Variants in MMD2 observed in about 807,000 individuals in gnomAD.
The protein encoded by MMD2 is monocyte to macrophage differentiation associated 2, also known as monocyte to macrophage differentiation factor 2.
In MMD2, 30 loss-of-function variants were observed where a neutral mutation model predicts 33.5. That is an observed-to-expected ratio of 0.90 (90% CI 0.67 to 1.22). MMD2 has a LOEUF of 1.22. MMD2 is among the 50% of genes most tolerant of loss of function. The probability of loss-of-function intolerance (pLI) is 0.00; values close to 1 mark genes in which losing one functional copy is unlikely to be tolerated. For missense variants in MMD2, 364 were observed against 325.4 expected (o/e 1.12, Z -0.91); for synonymous variants, 129 against 123.0 (o/e 1.05, Z -0.32).
chr7:4,930,477 T>TAA (rs1285184909), intron 1 of MMD2, among the ~76,000 whole-genome samples: 1 of 149,178 alleles, frequency 6.7e-6, no homozygotes, highest in East Asian at 2.0e-4. Context: ...CCATCTCTAC[T>TAA]AAAAAAAAAT....
intron 3 of MMD2, among the ~76,000 whole-genome samples, chr7:4,917,614 C>A (rs938776204): frequency 1.3e-5 from 2 of 152,076 alleles, no homozygotes; most frequent in Middle Eastern, 3.4e-3. Context: ...ATGGCATGAA[C>A]CTGGGAGGCG....
the MMD2 span, among the ~76,000 whole-genome samples, chr7:4,895,577 C>A: frequency 6.6e-6 from 1 of 150,892 alleles, no homozygotes; most frequent in African/African-American, 2.4e-5. Context: ...CGCTCTGTCA[C>A]CCCAGCTGGA....
chr7:4,949,493 G>A (rs889780095), intron 1 of MMD2, among the ~76,000 whole-genome samples: 1 of 151,560 alleles, frequency 6.6e-6, no homozygotes, highest in Non-Finnish European at 1.5e-5. Flanking sequence ...TTCCATCCAT[G>A]TTGCTGCAAA....
intron 1 of MMD2, among the ~76,000 whole-genome samples, chr7:4,927,403 G>A (rs965742873): frequency 1.3e-5 from 2 of 152,084 alleles, no homozygotes; most frequent in Non-Finnish European, 2.9e-5. Flanking sequence ...AAATTAGCTG[G>A]GAGTGGTGGC....
chr7:4,900,243 C>G, the MMD2 span, among the ~76,000 whole-genome samples: 1 of 151,842 alleles, frequency 6.6e-6, no homozygotes, highest in Non-Finnish European at 1.5e-5. Flanking sequence ...GCCTGGGAGA[C>G]AGAGCGAGAC....
rs558620935 is a variant in MMD2 at position 4,907,083 on chromosome 7, C to T, written c.*313G>A. The T allele has an allele frequency of 7.1e-5, 25 of 351,962 alleles. No homozygotes were observed. The highest frequency in any genetic ancestry group is 9.5e-5 in the Non-Finnish European group (18 of 189,286). The allele number at this position is 351,962 out of a possible 1,614,324, so 21.8% of individuals were successfully genotyped here. ...GGACCTTAGGAAACACAGATTGGCCCGTCATTCCCCAATTTTCCAGGACCA... is the reference window on the plus strand; with the variant it reads ...GGACCTTAGGAAACACAGATTGGCCTGTCATTCCCCAATTTTCCAGGACCA... On this transcript the variant is annotated 3_prime_UTR_variant, in exon 7 of 7. Transcript: ENST00000401401.
rs768200927 is a variant in MMD2 at position 4,910,012 on chromosome 7, A to C, written c.468-62T>G. The C allele has an allele frequency of 1.9e-6, 3 of 1,613,824 alleles. No individual in the cohort carries two copies. In the African/African-American group the frequency reaches 4.0e-5, roughly 22 times the overall value. On this transcript the variant is annotated intron_variant, in intron 5 of 6. Transcript: ENST00000401401. ...GCCTCCCCACGAAGAAACTGCACAC[A>C]GCTCCCTGTTCTTGGGGAAGAGGGA...
intron 1 of MMD2, among the ~76,000 whole-genome samples, chr7:4,943,586 C>T (rs1785972138): frequency 6.6e-6 from 1 of 152,082 alleles, no homozygotes. Context: ...TGAGCACTCA[C>T]ACTGTGGCCA....
rs540629144 is a variant in MMD2 at position 4,945,163 on chromosome 7, T to G, written c.47+13808A>C. Among the ~76,000 whole-genome samples the G allele has an allele frequency of 3.8e-5, 5 of 131,586 alleles. No individual in the cohort carries two copies. In the East Asian group the frequency reaches 9.3e-4, roughly 24 times the overall value. 86.3% of individuals were successfully genotyped at this position (131,586 alleles called of 152,430 possible). On this transcript the variant is annotated intron_variant, in intron 1 of 6. Coordinates refer to ENST00000401401, the MANE Select transcript of MMD2 (RefSeq NM_198403.4). Reference sequence around the variant, plus strand: ...TCTTCTTCTTTCCCTCTTCTTTTTCTTCCTTCTTCCTCCTCTTCCTCTTTC... The same window carrying G: ...TCTTCTTCTTTCCCTCTTCTTTTTCGTCCTTCTTCCTCCTCTTCCTCTTTC...
intron 1 of MMD2, among the ~76,000 whole-genome samples, chr7:4,950,823 C>T (rs769915760): frequency 1.3e-5 from 2 of 151,582 alleles, no homozygotes; most frequent in Non-Finnish European, 2.9e-5. Context: ...AAGCAATTCT[C>T]GTGCCTCAGC....
chr7:4,897,924 G>T, the MMD2 span, among the ~76,000 whole-genome samples: 7 of 152,116 alleles, frequency 4.6e-5, no homozygotes, highest in Admixed American at 4.6e-4. Flanking sequence ...TTTTAGTAGA[G>T]ATGGTGTTTC....
chr7:4,926,047 C>T (rs1292070141), intron 1 of MMD2, among the ~76,000 whole-genome samples: 1 of 152,112 alleles, frequency 6.6e-6, no homozygotes, highest in African/African-American at 2.4e-5. Context: ...CTCAGGTGAT[C>T]CGCCCGCCTC....
intron 2 of MMD2, 141 bp downstream of exon 2, chr7:4,925,310 G>A (rs1583373776): frequency 1.1e-5 from 6 of 546,500 alleles, no homozygotes; most frequent in Middle Eastern, 5.3e-4. Context: ...CCCTCGAGAC[G>A]CCACAGTGGC....
At chr7:4,950,409 T>C (rs1289023007) in intron 1 of MMD2, among the ~76,000 whole-genome samples, 2 of 152,058 alleles carry the variant, frequency 1.3e-5, no homozygotes, top group Admixed American at 6.6e-5. Flanking sequence ...CACATTCACC[T>C]TCTTATACCA....
intron 1 of MMD2, among the ~76,000 whole-genome samples, chr7:4,931,147 G>A (rs575337153): frequency 1.9e-4 from 29 of 152,152 alleles, no homozygotes; most frequent in Admixed American, 1.4e-3. Flanking sequence ...CACTGTGCCC[G>A]GCCTTTGTTG....
At chr7:4,933,195 C>T (rs962322028) in intron 1 of MMD2, among the ~76,000 whole-genome samples, 3 of 151,920 alleles carry the variant, frequency 2.0e-5, no homozygotes, top group African/African-American at 4.8e-5. Flanking sequence ...GACCCGGTCT[C>T]TACAAAATAT....
At chr7:4,903,805 G>C (rs1784825368), downstream of MMD2, among the ~76,000 whole-genome samples, 1 of 152,248 alleles carries the variant, frequency 6.6e-6, no homozygotes, top group Admixed American at 6.5e-5. Context: ...ACACAGGCCA[G>C]CCTGCTGCCG....
At chr7:4,949,632 C>G (rs1306089756) in intron 1 of MMD2, among the ~76,000 whole-genome samples, 1 of 152,110 alleles carries the variant, frequency 6.6e-6, no homozygotes, top group African/African-American at 2.4e-5. Flanking sequence ...CTGCCTCAGC[C>G]TCCCGAGTAG....
rs144149940 is a variant in MMD2 at position 4,910,108 on chromosome 7, C to T, written c.468-158G>A. 35 of 1,527,514 alleles carry T rather than the reference C, an allele frequency of 2.3e-5. No individual in the cohort carries two copies. In the African/African-American group the frequency reaches 3.8e-4, roughly 17 times the overall value. 94.6% of individuals were successfully genotyped at this position (1,527,514 alleles called of 1,614,324 possible). A position where few individuals can be genotyped will look rare whatever the true frequency, so the allele number is the denominator to read the frequency against. On this transcript the variant is annotated intron_variant, in intron 5 of 6. Transcript: ENST00000401401. Reference sequence around the variant, plus strand: ...AGCACGCCTTGGCTCAGATTTCACCCAGCTACATCCAACAGGTGCTGGCAG... The same window carrying T: ...AGCACGCCTTGGCTCAGATTTCACCTAGCTACATCCAACAGGTGCTGGCAG...
Sources: gnomAD v4.1 joint callset for allele counts (sites outside exome capture counted in the v4.1 genomes callset) on GRCh38, gnomAD v4.1.1 for gene constraint, MANE v1.5 for transcripts, NCBI Gene and HGNC (gene_info 2026-07-23, HGNC 2026-07-21) for gene names.